Variants in AGAP5 observed in about 807,000 individuals in gnomAD.
The protein encoded by AGAP5 is ArfGAP with GTPase domain, ankyrin repeat and PH domain 5, also known as arf-GAP with GTPase, ANK repeat and PH domain-containing protein 5.
Under a neutral mutation model 27.7 loss-of-function variants are expected in AGAP5, and 8 were observed. That is an observed-to-expected ratio of 0.29 (90% CI 0.17 to 0.52). The LOEUF (loss-of-function observed/expected upper bound fraction) is 0.52, where lower values mean the gene tolerates loss of function less well. Among genes scored for constraint, AGAP5 ranks in the 20% least tolerant of loss-of-function variants. The probability of loss-of-function intolerance (pLI) is 0.97; values close to 1 mark genes in which losing one functional copy is unlikely to be tolerated. For synonymous variants in AGAP5, 111 were observed against 338.0 expected (o/e 0.33, Z 7.37); for missense variants, 285 against 880.8 (o/e 0.32, Z 8.56).
At chr10:73,689,879 G>T (rs1345240729) in intron 4 of AGAP5, among the ~76,000 whole-genome samples, 11 of 149,990 alleles carry the variant, frequency 7.3e-5, no homozygotes, top group African/African-American at 2.2e-4. Flanking sequence ...CCCCCCGCCC[G>T]GCCAGCCGCC....
chr10:73,689,821 T>A (rs1429726972), intron 4 of AGAP5, among the ~76,000 whole-genome samples: 1 of 145,564 alleles, frequency 6.9e-6, no homozygotes, highest in South Asian at 2.2e-4. Context: ...GTGAGGAGCG[T>A]CTCCGCCTGG....
At position 73,674,393 on chromosome 10, in the gene AGAP5, G is replaced by T; in HGVS notation, c.*206C>A. 1.5e-6 allele frequency: 1 copy of T among 670,272 alleles called. No homozygotes were observed. Among genetic ancestry groups the T allele is most frequent in the Non-Finnish European group, 2.6e-6 (1 of 387,920 alleles). 41.5% of individuals were successfully genotyped at this position (670,272 alleles called of 1,614,324 possible). A position where few individuals can be genotyped will look rare whatever the true frequency, so the allele number is the denominator to read the frequency against. On this transcript the variant is annotated 3_prime_UTR_variant, in exon 8 of 8. Coordinates refer to ENST00000374094, the MANE Select transcript of AGAP5 (RefSeq NM_001144000.4). ...GGGCAATGTGGCCAGGAGGGCCTGA[G>T]ACTAACACATCCACCTTGGCAAAAG...
At chr10:73,688,508 A>T (rs2132452696) in intron 4 of AGAP5, among the ~76,000 whole-genome samples, 1 of 152,270 alleles carries the variant, frequency 6.6e-6, no homozygotes, top group African/African-American at 2.4e-5. Flanking sequence ...ATCAGGAGCA[A>T]AACTTAAAAA....
rs1361167180 is a variant in AGAP5 at position 73,675,485 on chromosome 10, G to C, written c.1175C>G (p.Pro392Arg). The C allele has an allele frequency of 6.2e-7, 1 of 1,613,298 alleles. No homozygotes were observed. The highest frequency in any genetic ancestry group is 1.7e-5 in the Admixed American group (1 of 59,940). The change falls in exon 8 of 8, where the codon CCC becomes CGC. Residue 392 changes from proline to arginine, a missense_variant. Physicochemically the swap from Pro to Arg is moderately radical, Grantham distance 103. Transcript: ENST00000374094. The stretch of plus-strand genomic sequence containing the variant: ...CTTTTTATTGGCATGAGGAGAGGGG[G>C]GCGGGTTGAGCTTGGGGCTGGTGGT... ...SSTTSPKLNP[P>R]PSPHANKKKH...
chr10:73,687,487 CTTAA>C (rs1224416229), intron 4 of AGAP5, among the ~76,000 whole-genome samples: 4 of 152,136 alleles, frequency 2.6e-5, no homozygotes, highest in Non-Finnish European at 5.9e-5. Context: ...ATGAACAAAT[CTTAA>C]TTAACTTAAA....
intron 4 of AGAP5, among the ~76,000 whole-genome samples, chr10:73,686,833 C>A (rs560409802): frequency 9.2e-5 from 14 of 152,264 alleles, no homozygotes; most frequent in African/African-American, 3.4e-4. Context: ...TTCCCAGCAA[C>A]CTCGATGGAA....
chr10:73,686,779 T>C (rs934401819), intron 4 of AGAP5, among the ~76,000 whole-genome samples: 10 of 152,222 alleles, frequency 6.6e-5, no homozygotes, highest in African/African-American at 2.2e-4. Context: ...TATATATATA[T>C]GAGGAATACC....
At chr10:73,691,222 G>T (rs1158550901) in intron 4 of AGAP5, among the ~76,000 whole-genome samples, 1 of 152,210 alleles carries the variant, frequency 6.6e-6, no homozygotes, top group Non-Finnish European at 1.5e-5. Flanking sequence ...GAGACAGGAT[G>T]AAGGACATGT....
At chr10:73,678,112 G>A (rs2081995097) in intron 6 of AGAP5, among the ~76,000 whole-genome samples, 1 of 151,638 alleles carries the variant, frequency 6.6e-6, no homozygotes, top group African/African-American at 2.4e-5. Context: ...AACTGGGCCA[G>A]CGCAGTGGCT....
intron 4 of AGAP5, among the ~76,000 whole-genome samples, chr10:73,691,071 A>G (rs1327778583): frequency 1.3e-5 from 2 of 152,258 alleles, no homozygotes; most frequent in African/African-American, 4.8e-5. Flanking sequence ...AATTAGCTTC[A>G]TGCTAAAAAA....
chr10:73,678,895 C>A (rs866805971), intron 6 of AGAP5, among the ~76,000 whole-genome samples: 26 of 142,960 alleles, frequency 1.8e-4, no homozygotes, highest in Admixed American at 2.8e-4. Flanking sequence ...TCTCTGTCAC[C>A]CAGGCTGGGG....
intron 6 of AGAP5, among the ~76,000 whole-genome samples, chr10:73,679,104 C>T (rs1249724996): frequency 7.0e-6 from 1 of 143,312 alleles, no homozygotes; most frequent in African/African-American, 2.5e-5. Flanking sequence ...CCACCCACCT[C>T]AGCCTCCCAA....
chr10:73,689,080 C>T (rs933065251), intron 4 of AGAP5, among the ~76,000 whole-genome samples: 3 of 152,238 alleles, frequency 2.0e-5, no homozygotes, highest in South Asian at 2.1e-4. Context: ...TCACTGCAAC[C>T]TCCCTGCCTG....
chr10:73,695,209 T>C (rs2082150857), intron 2 of AGAP5, among the ~76,000 whole-genome samples: 1 of 152,222 alleles, frequency 6.6e-6, no homozygotes, highest in Non-Finnish European at 1.5e-5. Context: ...AGATGTATTC[T>C]AGAGTTTTTA....
chr10:73,682,168 CT>C, intron 5 of AGAP5: 1 of 924,040 alleles, frequency 1.1e-6, no homozygotes, highest in Non-Finnish European at 1.3e-6. Context: ...TGGACGGCCC[CT>C]GTGGAGCTGG....
At chr10:73,689,240 C>T (rs1361509251) in intron 4 of AGAP5, among the ~76,000 whole-genome samples, 2 of 152,264 alleles carry the variant, frequency 1.3e-5, no homozygotes, top group Admixed American at 6.5e-5. Flanking sequence ...CCGCCAGCCT[C>T]GGCCTCCCGA....
At chr10:73,685,576 A>G (rs1365969219) in intron 4 of AGAP5, among the ~76,000 whole-genome samples, 4 of 139,264 alleles carry the variant, frequency 2.9e-5, no homozygotes, top group Non-Finnish European at 6.2e-5. Flanking sequence ...TTTGAGATGG[A>G]GTCTCGCTCT....
intron 4 of AGAP5, among the ~76,000 whole-genome samples, chr10:73,689,886 C>A (rs548779952): frequency 6.6e-6 from 1 of 151,668 alleles, no homozygotes; most frequent in South Asian, 2.1e-4. Flanking sequence ...CCCGGCCAGC[C>A]GCCCCGTCCG....
chr10:73,689,268 C>T (rs906465025), intron 4 of AGAP5, among the ~76,000 whole-genome samples: 2 of 152,244 alleles, frequency 1.3e-5, no homozygotes, highest in African/African-American at 4.8e-5. Context: ...GGATTGCAGA[C>T]GGAGTCTCGT....
Sources: gnomAD v4.1 joint callset for allele counts (sites outside exome capture counted in the v4.1 genomes callset) on GRCh38, gnomAD v4.1.1 for gene constraint, MANE v1.5 for transcripts, NCBI Gene and HGNC (gene_info 2026-07-23, HGNC 2026-07-21) for gene names.